Variants in CEP131 observed in about 807,000 individuals in gnomAD.
CEP131 encodes the protein centrosomal protein of 131 kDa.
Under a neutral mutation model 136.8 loss-of-function variants are expected in CEP131, and 99 were observed. That is an observed-to-expected ratio of 0.72 (90% CI 0.62 to 0.86). CEP131 has a LOEUF of 0.86. CEP131 is among the 40% of genes least tolerant of loss of function. CEP131 has a pLI of 0.00. For missense variants in CEP131, 1,459 were observed against 1,463.0 expected, an observed-to-expected ratio of 1.00 and a Z score of 0.04; for synonymous variants, 646 against 612.7, an observed-to-expected ratio of 1.05 and a Z score of -0.80.
chr17:81,197,301 A>G lies in CEP131; in HGVS notation c.1648-246T>C, dbSNP rs941972556. On this transcript the variant is annotated intron_variant, in intron 13 of 25. Coordinates refer to ENST00000450824, the MANE Select transcript of CEP131 (RefSeq NM_014984.4). Reference sequence around the variant, plus strand: ...CCATTTAAAAAGTTCTATGCTGCCCAGCTTCCTGCCCTGTGACAATAAAGT... The same window carrying G: ...CCATTTAAAAAGTTCTATGCTGCCCGGCTTCCTGCCCTGTGACAATAAAGT... The G allele has an allele frequency of 6.9e-6, 4 of 581,220 alleles. No individual in the cohort carries two copies. In the African/African-American group the frequency reaches 7.5e-5, roughly 11 times the overall value. The allele number at this position is 581,220 out of a possible 1,614,324, so 36.0% of individuals were successfully genotyped here.
At chr17:81,218,199 C>T (rs9897524) in intron 2 of CEP131, among the ~76,000 whole-genome samples, 54,575 of 152,032 alleles carry the variant, frequency 0.36, 11,344 homozygotes, top group African/African-American at 0.56. Flanking sequence ...CGCGCCACCA[C>T]GCCCGGCTAA....
intron 2 of CEP131, among the ~76,000 whole-genome samples, chr17:81,212,461 T>C (rs1426239671): frequency 6.6e-6 from 1 of 152,004 alleles, no homozygotes; most frequent in Non-Finnish European, 1.5e-5. Context: ...AGAGGGACTG[T>C]TCCGAGTAGC....
At chr17:81,196,678 T>G in intron 15 of CEP131, 23 bp downstream of exon 15, 4 of 1,595,564 alleles carry the variant, frequency 2.5e-6, no homozygotes, top group Non-Finnish European at 3.4e-6. Flanking sequence ...GGTCCGGGCC[T>G]CTGCGCTCCC....
In CEP131 at chr17:81,207,305, C is replaced by G. The variant is rs1247409211; in HGVS notation, c.273-66G>C. The stretch of plus-strand genomic sequence containing the variant: ...AGCCGGGAAGCCGACGCTAGGCACA[C>G]AGACCAGGCAGGTCCCGCGAGGACA... On this transcript the variant is annotated intron_variant, in intron 3 of 25. Coordinates refer to ENST00000450824, the MANE Select transcript of CEP131 (RefSeq NM_014984.4). 7 of 1,431,524 alleles carry G rather than the reference C, an allele frequency of 4.9e-6. No homozygotes were observed. The African/African-American group carries it at 7.1e-5, about 14-fold the overall frequency. 88.7% of individuals were successfully genotyped at this position (1,431,524 alleles called of 1,614,324 possible). A position where few individuals can be genotyped will look rare whatever the true frequency, so the allele number is the denominator to read the frequency against.
rs764310181 is a variant in CEP131 at position 81,207,205 on chromosome 17, C to G, written c.307G>C (p.Glu103Gln). The G allele has an allele frequency of 1.2e-6, 2 of 1,613,574 alleles. No individual in the cohort carries two copies. Among genetic ancestry groups the G allele is most frequent in the Non-Finnish European group, 1.7e-6 (2 of 1,179,936 alleles). Reference protein sequence around the residue: ...TEPTDFLMLFEGSPSGKKRPA... With the variant: ...TEPTDFLMLFQGSPSGKKRPA... ...CTCTTTTTCCCACTGGGGCTGCCCT[C>G]GAAGAGCATCAGGAAGTCTGTGGGC... Residue 103 changes from glutamate (E) to glutamine (Q), a missense_variant, in exon 4 of 26, where the codon GAG becomes CAG. Physicochemically the swap from Glu to Gln is conservative, Grantham distance 29. Transcript: ENST00000450824.
At chr17:81,198,511 C>T (rs1253664441) in intron 11 of CEP131, among the ~76,000 whole-genome samples, 1 of 152,212 alleles carries the variant, frequency 6.6e-6, no homozygotes, top group African/African-American at 2.4e-5. Context: ...GGGACTCCTC[C>T]CAGTGCCCCA....
In CEP131 at chr17:81,203,591, C is replaced by T; in HGVS notation, c.532G>A (p.Val178Met). The T allele has an allele frequency of 6.3e-7, 1 of 1,599,392 alleles. No individual in the cohort carries two copies. Among genetic ancestry groups the T allele is most frequent in the Non-Finnish European group, 8.5e-7 (1 of 1,173,726 alleles). Reference sequence around the variant, plus strand: ...ACCATGGTGGTGACGCAGTTGCCCACTGCTCCCTTGTTGCTCCTGCCAGGC... The same window carrying T: ...ACCATGGTGGTGACGCAGTTGCCCATTGCTCCCTTGTTGCTCCTGCCAGGC... ...TANNRSNKGA[V>M]GNCVTTMVHN... Residue 178 changes from valine (V) to methionine (M), a missense_variant, in exon 6 of 26, where the codon GTG becomes ATG. Around this residue, in one of 3 missense-constraint regions of CEP131, gnomAD observed 246 missense variants for 318.9 expected, o/e 0.77. Coordinates refer to ENST00000450824, the MANE Select transcript of CEP131 (RefSeq NM_014984.4). The surrounding 1 kb of genome is among the most constrained non-coding windows in gnomAD (Gnocchi z 4.6).
chr17:81,221,124 CAA>C (rs760838378), intron 1 of CEP131, among the ~76,000 whole-genome samples: 66 of 53,852 alleles, frequency 1.2e-3, no homozygotes, highest in African/African-American at 4.7e-3. Flanking sequence ...GACTCCATCT[CAA>C]AAAAAAAAAA....
chr17:81,192,685 G>GGGCCCCCCC, intron 19 of CEP131, 51 bp downstream of exon 19: 1 of 478,436 alleles, frequency 2.1e-6, no homozygotes, highest in Non-Finnish European at 4.1e-6. Flanking sequence ...GGGGGGAGGG[G>GGGCCCCCCC]TCAGCCAGCG....
chr17:81,197,380 A>ACGTGTGG (rs3063385), intron 13 of CEP131: 2 of 512,056 alleles, frequency 3.9e-6, no homozygotes, highest in Non-Finnish European at 6.9e-6. Context: ...GGACAAACCA[A>ACGTGTGG]CCCAGAGGAC....
At position 81,190,719 on chromosome 17, in the gene CEP131, C is replaced by T. The variant is rs1251256330; in HGVS notation, c.3027G>A (p.Glu1009=). The T allele has an allele frequency of 1.2e-6, 2 of 1,610,576 alleles. No individual in the cohort carries two copies. Among genetic ancestry groups the T allele is most frequent in the Non-Finnish European group, 8.5e-7 (1 of 1,179,286 alleles). ...QEFEDRLAAS[E]EETRQAKAEL... Reference sequence around the variant, plus strand: ...CGGCCTTGGCCTGCCGCGTCTCCTCCTCAGAGGCTGCCAGCCGGTCCTCGA... The same window carrying T: ...CGGCCTTGGCCTGCCGCGTCTCCTCTTCAGAGGCTGCCAGCCGGTCCTCGA... Residue 1009 remains glutamate, a synonymous_variant, in exon 24 of 26, where the codon GAG becomes GAA. Coordinates refer to ENST00000450824, the MANE Select transcript of CEP131 (RefSeq NM_014984.4).
intron 2 of CEP131, among the ~76,000 whole-genome samples, chr17:81,218,335 G>A (rs139436939): frequency 1.1e-3 from 160 of 152,282 alleles, no homozygotes; most frequent in African/African-American, 3.4e-3. Context: ...GAGCCACCTC[G>A]CCCAGCCCAG....
chr17:81,218,856 C>T (rs2062318514), intron 2 of CEP131, among the ~76,000 whole-genome samples: 1 of 152,234 alleles, frequency 6.6e-6, no homozygotes, highest in Admixed American at 6.5e-5. Flanking sequence ...GCCAGGGGTT[C>T]CTGTGGGAAG....
intron 10 of CEP131, 115 bp from the exon 11 acceptor site, chr17:81,199,086 C>A: frequency 9.4e-7 from 1 of 1,069,208 alleles, no homozygotes; most frequent in Non-Finnish European, 1.3e-6. Context: ...ACCCCAGAAG[C>A]AGAGGAGCCG....
rs888071993 is a variant in CEP131, at chr17:81,215,114, G to C, written c.177+4766C>G. On this transcript the variant is annotated intron_variant, in intron 2 of 25. Coordinates refer to ENST00000450824, the MANE Select transcript of CEP131 (RefSeq NM_014984.4). The surrounding 1 kb of genome is among the most constrained non-coding windows in gnomAD (Gnocchi z 4.1). ...TTTAGTTTTAATTTTAATTTTAAAA[G>C]ATAGAGTCTCACTCTGTTGCCCAGG... Among the ~76,000 whole-genome samples the C allele has an allele frequency of 1.1e-4, 16 of 151,686 alleles. No individual in the cohort carries two copies. The highest frequency in any genetic ancestry group is 3.6e-4 in the African/African-American group (15 of 41,298).
rs773523503 is a variant in CEP131 at position 81,191,004 on chromosome 17, G to C, written c.2846C>G (p.Ser949Trp). 1 of 1,609,468 alleles carries C rather than the reference G, an allele frequency of 6.2e-7. No homozygotes were observed. Among genetic ancestry groups the C allele is most frequent in the Non-Finnish European group, 8.5e-7 (1 of 1,179,914 alleles). ...CTCCCCAAGCTGGCCCTTCAGCTCC[G>C]AGCACCGCTCCTGAAGCTTCCGCTC... is the stretch of plus-strand genomic sequence containing the variant. The part of the protein sequence containing the change: ...QSERKLQERC[S>W]ELKGQLGEAE... Residue 949 changes from serine (S) to tryptophan (W), a missense_variant, in exon 23 of 26, where the codon TCG becomes TGG. Coordinates refer to ENST00000450824, the MANE Select transcript of CEP131 (RefSeq NM_014984.4).
rs2062322970 is a variant in CEP131, at chr17:81,219,014, C to A, written c.177+866G>T. Among the ~76,000 whole-genome samples, 1 of 152,266 alleles carries A rather than the reference C, an allele frequency of 6.6e-6. No homozygotes were observed. Among genetic ancestry groups the A allele is most frequent in the Non-Finnish European group, 1.5e-5 (1 of 68,048 alleles). Reference sequence around the variant, plus strand: ...AAGCTCAGGCCAGACTCTGGTCAGGCTCTGCCCCAACCCCCACAGAGCGGC... The same window carrying A: ...AAGCTCAGGCCAGACTCTGGTCAGGATCTGCCCCAACCCCCACAGAGCGGC... On this transcript the variant is annotated intron_variant, in intron 2 of 25. Transcript: ENST00000450824. The surrounding 1 kb of genome is among the most constrained non-coding windows in gnomAD (Gnocchi z 4.0).
At chr17:81,191,872 T>C (rs1232259041) in intron 21 of CEP131, among the ~76,000 whole-genome samples, 1 of 152,148 alleles carries the variant, frequency 6.6e-6, no homozygotes, top group African/African-American at 2.4e-5. Context: ...ACGGTCAGCC[T>C]GGACTGTAGC....
At chr17:81,197,983 G>A in intron 12 of CEP131, 95 bp from the exon 13 acceptor site, 1 of 1,523,086 alleles carries the variant, frequency 6.6e-7, no homozygotes, top group Non-Finnish European at 8.8e-7. Context: ...TGGGCTCTGG[G>A]AGGGAGGGTT....
Sources: allele counts gnomAD v4.1 joint callset (sites outside exome capture counted in the v4.1 genomes callset), GRCh38; gene constraint gnomAD v4.1.1; regional missense constraint gnomAD v4.1.1; non-coding constraint Gnocchi (gnomAD v3.1); transcripts MANE v1.5; gene names NCBI Gene and HGNC (gene_info 2026-07-23, HGNC 2026-07-21).